ATRNL1: variants seen among roughly 807,000 people sequenced by gnomAD.
The protein encoded by ATRNL1 is attractin-like protein 1.
In ATRNL1, 95 loss-of-function variants were observed where a neutral mutation model predicts 182.7. The ratio of observed to expected loss-of-function variants is 0.52; its 90% CI spans 0.44 to 0.62. The LOEUF (loss-of-function observed/expected upper bound fraction) is 0.62. Ranked by LOEUF, ATRNL1 falls within the 20% of genes least tolerant of loss-of-function variation. The pLI is 0.00. For synonymous variants in ATRNL1, 576 were observed against 568.3 expected (o/e 1.01, Z -0.19); for missense variants, 1,471 against 1,679.5 (o/e 0.88, Z 2.17).
chr10:115,899,744 T>G (rs1952304868), intron 28 of ATRNL1, among the ~76,000 whole-genome samples: 1 of 152,232 alleles, frequency 6.6e-6, no homozygotes, highest in Non-Finnish European at 1.5e-5. Context: ...GGGACAGCTT[T>G]TACTGTAGTT....
chr10:115,177,089 A>G (rs1057265435), intron 8 of ATRNL1, among the ~76,000 whole-genome samples: 1 of 152,158 alleles, frequency 6.6e-6, no homozygotes. Flanking sequence ...ATAAGCAAGG[A>G]AGAGTACGGT....
chr10:115,819,952 G>A (rs375212849), intron 27 of ATRNL1: 1 of 151,928 alleles, frequency 6.6e-6, no homozygotes, highest in Non-Finnish European at 1.5e-5. Context: ...AGGACTAGGT[G>A]GGAGAGGTGG....
chr10:115,457,159 G>A (rs1183841829), intron 21 of ATRNL1, among the ~76,000 whole-genome samples: 4 of 152,068 alleles, frequency 2.6e-5, no homozygotes, highest in African/African-American at 9.7e-5. Flanking sequence ...AAATAATTTT[G>A]TTGAGCAACA....
At chr10:115,282,478 A>T (rs2133928608) in intron 14 of ATRNL1, among the ~76,000 whole-genome samples, 1 of 149,954 alleles carries the variant, frequency 6.7e-6, no homozygotes, top group African/African-American at 2.4e-5. Flanking sequence ...CACATTTCTT[A>T]TAATAAATAT....
At chr10:115,396,532 T>C (rs1844298089) in intron 20 of ATRNL1, among the ~76,000 whole-genome samples, 1 of 152,012 alleles carries the variant, frequency 6.6e-6, no homozygotes, top group African/African-American at 2.4e-5. Context: ...TGCAATTATG[T>C]ATAATAGCAT....
chr10:115,920,091 C>G (rs1953003000), intron 28 of ATRNL1, among the ~76,000 whole-genome samples: 1 of 152,178 alleles, frequency 6.6e-6, no homozygotes, highest in Admixed American at 6.5e-5. Flanking sequence ...GTATCCTCTT[C>G]TCATTGAAGT....
chr10:115,768,840 A>G (rs1948920118), intron 27 of ATRNL1, among the ~76,000 whole-genome samples: 1 of 152,112 alleles, frequency 6.6e-6, no homozygotes, highest in Non-Finnish European at 1.5e-5. Context: ...GGGATCAGCA[A>G]GAAAACATAA....
intron 26 of ATRNL1, among the ~76,000 whole-genome samples, chr10:115,602,531 G>C (rs1856653631): frequency 6.6e-6 from 1 of 152,030 alleles, no homozygotes; most frequent in Admixed American, 6.6e-5. Flanking sequence ...GACGCTACAA[G>C]GTTAGAGGCT....
intron 26 of ATRNL1, among the ~76,000 whole-genome samples, chr10:115,677,087 A>C (rs1297461984): frequency 6.6e-6 from 1 of 152,114 alleles, no homozygotes; most frequent in African/African-American, 2.4e-5. Context: ...CATATAGTAC[A>C]CATTTGGTTA....
At chr10:115,330,672 C>CTTTTTTTTTTTTTTTTTT (rs200104323) in intron 18 of ATRNL1, among the ~76,000 whole-genome samples, 2 of 101,410 alleles carry the variant, frequency 2.0e-5, no homozygotes, top group African/African-American at 3.7e-5. Flanking sequence ...GTGTTATTTG[C>CTTTTTTTTTTTTTTTTTT]TTTTTTTTTT....
At chr10:115,439,047 G>A (rs1287753031) in intron 21 of ATRNL1, among the ~76,000 whole-genome samples, 2 of 151,818 alleles carry the variant, frequency 1.3e-5, no homozygotes, top group Non-Finnish European at 2.9e-5. Flanking sequence ...ATTATATATT[G>A]TATTCTTGAC....
intron 28 of ATRNL1, among the ~76,000 whole-genome samples, chr10:115,849,333 A>T (rs141977435): frequency 5.0e-4 from 76 of 152,320 alleles, no homozygotes; most frequent in African/African-American, 1.7e-3. Context: ...AATTATAGGT[A>T]CTTGCACAGC....
chr10:115,626,811 G>C (rs578060059), intron 26 of ATRNL1, among the ~76,000 whole-genome samples: 2 of 152,184 alleles, frequency 1.3e-5, no homozygotes, highest in South Asian at 4.2e-4. Flanking sequence ...ATTTACATAT[G>C]AATTCCAGAG....
chr10:115,369,545 T>G (rs1857276374), intron 19 of ATRNL1, among the ~76,000 whole-genome samples: 1 of 152,242 alleles, frequency 6.6e-6, no homozygotes, highest in Admixed American at 6.5e-5. Context: ...GGAGTGCATA[T>G]ATCTCTTTGA....
At chr10:115,688,515 G>A (rs1555047051) in intron 26 of ATRNL1, among the ~76,000 whole-genome samples, 1 of 152,138 alleles carries the variant, frequency 6.6e-6, no homozygotes, top group Non-Finnish European at 1.5e-5. Flanking sequence ...TAACTTGGGT[G>A]AGATGGTATC....
At chr10:115,361,595 C>T (rs1219866662) in intron 19 of ATRNL1, among the ~76,000 whole-genome samples, 2 of 152,052 alleles carry the variant, frequency 1.3e-5, no homozygotes, top group South Asian at 2.1e-4. Context: ...TTTCTTCCTT[C>T]TTCACAATCC....
intron 5 of ATRNL1, among the ~76,000 whole-genome samples, chr10:115,155,648 T>C (rs1554881863): frequency 6.6e-6 from 1 of 152,198 alleles, no homozygotes; most frequent in Non-Finnish European, 1.5e-5. Context: ...ATTCCATAAG[T>C]GTATACTGAG....
intron 1 of ATRNL1, among the ~76,000 whole-genome samples, chr10:115,111,484 C>T (rs1254085550): frequency 6.6e-6 from 1 of 152,158 alleles, no homozygotes; most frequent in Non-Finnish European, 1.5e-5. Flanking sequence ...TGCGTCTACT[C>T]ATGGCAGAAG....
rs1242482568 is a variant in ATRNL1 at position 115,480,235 on chromosome 10, C to A, written c.3654+10906C>A. Among the ~76,000 whole-genome samples, 5 of 150,266 alleles carry A rather than the reference C, an allele frequency of 3.3e-5. No individual in the cohort carries two copies. The East Asian group carries it at 5.9e-4, about 18-fold the overall frequency. Reference sequence around the variant, plus strand: ...ACACACACACACACACACACACACACAAAACAGAAAACTACTGGTTAAGTA... The same window carrying A: ...ACACACACACACACACACACACACAAAAAACAGAAAACTACTGGTTAAGTA... On this transcript the variant is annotated intron_variant, in intron 24 of 28. Coordinates refer to ENST00000355044, the MANE Select transcript of ATRNL1 (RefSeq NM_207303.4).
Sources: gnomAD v4.1 joint callset for allele counts (sites outside exome capture counted in the v4.1 genomes callset) on GRCh38, gnomAD v4.1.1 for gene constraint, MANE v1.5 for transcripts, NCBI Gene and HGNC (gene_info 2026-07-23, HGNC 2026-07-21) for gene names.